The following ALMS1 variants were observed in gnomAD, a reference collection of about 807,000 sequenced individuals.
ALMS1 encodes the protein centrosome-associated protein ALMS1.
In ALMS1, 271 loss-of-function variants were observed where a neutral mutation model predicts 352.2. The observed-to-expected ratio is 0.77, with a 90% CI of 0.70 to 0.85. The LOEUF (loss-of-function observed/expected upper bound fraction) is 0.85, where lower values mean the gene tolerates loss of function less well. Among genes scored for constraint, ALMS1 ranks in the 40% least tolerant of loss-of-function variants. The pLI is 0.00. For synonymous variants in ALMS1, 1,865 were observed against 1,761.2 expected (o/e 1.06, Z -1.48); for missense variants, 5,445 against 4,870.7 (o/e 1.12, Z -3.51).
intron 10 of ALMS1, among the ~76,000 whole-genome samples, chr2:73,511,593 G>T (rs1472255750): frequency 6.6e-6 from 1 of 152,192 alleles, no homozygotes; most frequent in Non-Finnish European, 1.5e-5. Context: ...GGGAGCTGCA[G>T]ACTGGAGCTG....
At chr2:73,567,051 CTCTG>C (rs1674816102) in intron 15 of ALMS1, among the ~76,000 whole-genome samples, 1 of 152,192 alleles carries the variant, frequency 6.6e-6, no homozygotes, top group Admixed American at 6.5e-5. Context: ...GCTCTTCAAA[CTCTG>C]TCTGTTAGGG....
intron 10 of ALMS1, among the ~76,000 whole-genome samples, chr2:73,507,247 G>A (rs912199267): frequency 2.6e-5 from 4 of 151,980 alleles, no homozygotes; most frequent in Non-Finnish European, 4.4e-5. Context: ...TTTCTTTTTT[G>A]TTGTGTCTCT....
chr2:73,391,065 C>T lies in ALMS1; in HGVS notation c.324+4873C>T, dbSNP rs76784587. On this transcript the variant is annotated intron_variant, in intron 1 of 22. Transcript: ENST00000613296. ...GCATTACAGATGTGATGAGCCACTG[C>T]GCCCGGCCCAACAGTGTTTGGAAAT... Among the ~76,000 whole-genome samples the T allele has an allele frequency of 6.0e-4, 91 of 152,060 alleles. No homozygotes were observed. In the East Asian group the frequency reaches 0.013, roughly 22 times the overall value.
chr2:73,414,033 T>A (rs1671130911), intron 2 of ALMS1, among the ~76,000 whole-genome samples: 2 of 152,314 alleles, frequency 1.3e-5, no homozygotes, highest in Middle Eastern at 3.4e-3. Context: ...AATTTTAGAA[T>A]TAGCTCGCCC....
intron 9 of ALMS1, among the ~76,000 whole-genome samples, chr2:73,473,794 A>G (rs548103371): frequency 6.6e-6 from 1 of 152,242 alleles, no homozygotes; most frequent in East Asian, 1.9e-4. Flanking sequence ...AGAATCAGTG[A>G]ACTTGAAGAA....
At chr2:73,436,823 A>G (rs1206019656) in intron 7 of ALMS1, among the ~76,000 whole-genome samples, 1 of 152,038 alleles carries the variant, frequency 6.6e-6, no homozygotes, top group Non-Finnish European at 1.5e-5. Context: ...TTCCCTTTGA[A>G]TATGTTTATA....
chr2:73,532,067 C>T (rs1393861717), intron 11 of ALMS1, among the ~76,000 whole-genome samples: 2 of 152,234 alleles, frequency 1.3e-5, no homozygotes, highest in Non-Finnish European at 2.9e-5. Context: ...CAGGTAGAGA[C>T]TCTTGTTCTT....
chr2:73,544,030 G>T (rs905354962), intron 12 of ALMS1, among the ~76,000 whole-genome samples: 1 of 152,114 alleles, frequency 6.6e-6, no homozygotes, highest in Admixed American at 6.5e-5. Context: ...ATACCCAAAG[G>T]ATTATAAATC....
chr2:73,535,019 G>C (rs1673998037), intron 12 of ALMS1, 70 bp downstream of exon 12: 3 of 1,592,926 alleles, frequency 1.9e-6, no homozygotes, highest in South Asian at 1.1e-5. Context: ...GTTGATTCTG[G>C]AGTGACAAAA....
At chr2:73,529,329 C>A (rs1320162159) in intron 11 of ALMS1, among the ~76,000 whole-genome samples, 1 of 152,206 alleles carries the variant, frequency 6.6e-6, no homozygotes, top group East Asian at 1.9e-4. Flanking sequence ...CAGGCGTGAG[C>A]CACTGCACCC....
intron 4 of ALMS1, among the ~76,000 whole-genome samples, chr2:73,424,027 C>T (rs1450656461): frequency 6.6e-6 from 1 of 152,176 alleles, no homozygotes; most frequent in Non-Finnish European, 1.5e-5. Context: ...ATCCTCCTGC[C>T]TCAGCCTCCC....
chr2:73,527,173 G>A (rs1246693714), intron 11 of ALMS1, among the ~76,000 whole-genome samples: 1 of 151,234 alleles, frequency 6.6e-6, no homozygotes, highest in African/African-American at 2.4e-5. Flanking sequence ...TGGTTTGCTA[G>A]TATTTTGTTG....
chr2:73,505,276 A>G (rs1673297605), intron 10 of ALMS1, among the ~76,000 whole-genome samples: 1 of 152,208 alleles, frequency 6.6e-6, no homozygotes, highest in Non-Finnish European at 1.5e-5. Flanking sequence ...TTCTAGTTCT[A>G]AATCCTTGAG....
chr2:73,557,438 T>C (rs1558693365), intron 14 of ALMS1, 84 bp downstream of exon 14: 1 of 1,560,566 alleles, frequency 6.4e-7, no homozygotes, highest in Admixed American at 1.7e-5. Flanking sequence ...AACAGAAATA[T>C]ATTCTCTATT....
At chr2:73,547,595 G>A (rs748410638) in intron 12 of ALMS1, among the ~76,000 whole-genome samples, 1 of 152,154 alleles carries the variant, frequency 6.6e-6, no homozygotes, top group Non-Finnish European at 1.5e-5. Context: ...ATTTAACAGG[G>A]TAGAGCATAG....
At chr2:73,545,631 A>G (rs1251353559) in intron 12 of ALMS1, among the ~76,000 whole-genome samples, 2 of 152,236 alleles carry the variant, frequency 1.3e-5, no homozygotes, top group African/African-American at 4.8e-5. Context: ...AATACAGGAA[A>G]CTTTAAGATA....
chr2:73,532,048 C>T (rs1304105887), intron 11 of ALMS1, among the ~76,000 whole-genome samples: 1 of 152,256 alleles, frequency 6.6e-6, no homozygotes, highest in Admixed American at 6.5e-5. Context: ...GAAGAATTCT[C>T]TGGATTACCA....
chr2:73,405,472 T>G (rs887018539), intron 1 of ALMS1, among the ~76,000 whole-genome samples: 1 of 152,120 alleles, frequency 6.6e-6, no homozygotes, highest in Admixed American at 6.6e-5. Flanking sequence ...GAGGCCTTTT[T>G]TTTTCTCAGT....
At chr2:73,497,027 G>T (rs1186400159) in intron 10 of ALMS1, among the ~76,000 whole-genome samples, 1 of 151,968 alleles carries the variant, frequency 6.6e-6, no homozygotes, top group East Asian at 1.9e-4. Context: ...CTTAAAAAAG[G>T]CTTTCAAAAA....
Sources: allele counts gnomAD v4.1 joint callset (sites outside exome capture counted in the v4.1 genomes callset), GRCh38; gene constraint gnomAD v4.1.1; transcripts MANE v1.5; gene names NCBI Gene and HGNC (gene_info 2026-07-23, HGNC 2026-07-21).